Variants in LYPD6B observed in about 807,000 individuals in gnomAD.
LYPD6B encodes the protein LY6/PLAUR domain containing 6B.
In LYPD6B, 17 loss-of-function variants were observed where a neutral mutation model predicts 22.8. That is an observed-to-expected ratio of 0.75 (90% CI 0.51 to 1.12). LYPD6B has a LOEUF of 1.12. LYPD6B is among the 50% of genes most tolerant of loss of function. The pLI is 0.00. For synonymous variants in LYPD6B, 106 were observed against 91.6 expected, an observed-to-expected ratio of 1.16 and a Z score of -0.90; for missense variants, 221 against 258.3, an observed-to-expected ratio of 0.86 and a Z score of 0.99.
At position 149,203,212 on chromosome 2, in the gene LYPD6B, G is replaced by A. The variant is rs559099768; in HGVS notation, c.78-2041G>A. On this transcript the variant is annotated intron_variant, in intron 3 of 6. Transcript: ENST00000409642. ...GGAAGCCAAGACTTGGAAACCTTCA[G>A]CAACTTGTCTAAGGTCCCATAGTTG... Among the ~76,000 whole-genome samples the A allele has an allele frequency of 3.9e-5, 6 of 152,302 alleles. No individual in the cohort carries two copies. In the East Asian group the frequency reaches 7.7e-4, roughly 20 times the overall value.
intron 1 of LYPD6B, 32 bp from the exon 2 acceptor site, chr2:149,130,851 A>G (rs767115177): frequency 3.3e-6 from 3 of 917,100 alleles, no homozygotes; most frequent in Non-Finnish European, 5.4e-6. Context: ...AATATCAGTC[A>G]TAATGATACC....
At chr2:149,039,363 CG>C (rs1682966313) in intron 1 of LYPD6B, among the ~76,000 whole-genome samples, 1 of 152,186 alleles carries the variant, frequency 6.6e-6, no homozygotes, top group South Asian at 2.1e-4. Flanking sequence ...TCTCAAAAGC[CG>C]GGTCTGGAGG....
At chr2:149,120,378 TA>T (rs1385052520) in intron 1 of LYPD6B, among the ~76,000 whole-genome samples, 99 of 38,468 alleles carry the variant, frequency 2.6e-3, no homozygotes, top group Non-Finnish European at 3.8e-3. Flanking sequence ...TATATATATA[TA>T]TATATTTTTT....
intron 1 of LYPD6B, among the ~76,000 whole-genome samples, chr2:149,081,117 T>A (rs1433199613): frequency 6.6e-6 from 1 of 152,210 alleles, no homozygotes; most frequent in Non-Finnish European, 1.5e-5. Flanking sequence ...GTCAGAGGAC[T>A]GCTGGGCCTT....
chr2:149,105,443 C>T (rs1166770584), intron 1 of LYPD6B, among the ~76,000 whole-genome samples: 2 of 152,162 alleles, frequency 1.3e-5, no homozygotes, highest in African/African-American at 4.8e-5. Context: ...AATCCATGAA[C>T]AATGCAGTAA....
At chr2:149,050,293 A>G (rs1420127547) in intron 1 of LYPD6B, among the ~76,000 whole-genome samples, 2 of 152,048 alleles carry the variant, frequency 1.3e-5, no homozygotes, top group Non-Finnish European at 2.9e-5. Context: ...CAGCTGTATT[A>G]CTAAGAAATG....
chr2:149,207,978 A>G lies in LYPD6B; in HGVS notation c.230-336A>G, dbSNP rs556482744. On this transcript the variant is annotated intron_variant, in intron 4 of 6. Transcript: ENST00000409642. ...TTTCAGGGATGACACGTGTGTTCCAATACCTCTACTGCCCTCATCTACCCC... is the reference window on the plus strand; with the variant it reads ...TTTCAGGGATGACACGTGTGTTCCAGTACCTCTACTGCCCTCATCTACCCC... Among the ~76,000 whole-genome samples, 5 of 152,226 alleles carry G rather than the reference A, an allele frequency of 3.3e-5. No homozygotes were observed. The East Asian group carries it at 7.7e-4, about 23-fold the overall frequency.
chr2:149,124,254 A>C (rs1274288511), intron 1 of LYPD6B, among the ~76,000 whole-genome samples: 1 of 152,212 alleles, frequency 6.6e-6, no homozygotes, highest in East Asian at 1.9e-4. Context: ...GCCAATATAT[A>C]GTCCTTTCTG....
intron 1 of LYPD6B, among the ~76,000 whole-genome samples, chr2:149,091,951 A>ATCTGGGCT (rs1685671442): frequency 6.8e-6 from 1 of 146,094 alleles, no homozygotes; most frequent in Non-Finnish European, 1.5e-5. Flanking sequence ...TTCTATGGGA[A>ATCTGGGCT]TCTGGGCTGC....
chr2:149,180,312 G>A (rs915578670), intron 3 of LYPD6B, among the ~76,000 whole-genome samples: 2 of 152,138 alleles, frequency 1.3e-5, no homozygotes, highest in Non-Finnish European at 2.9e-5. Context: ...GTTATATGCT[G>A]TTATACAAGT....
At chr2:149,168,211 CAAAA>C (rs386391472) in intron 3 of LYPD6B, among the ~76,000 whole-genome samples, 2 of 48,488 alleles carry the variant, frequency 4.1e-5, no homozygotes, top group Non-Finnish European at 4.1e-5. Context: ...GGCTCTGTCT[CAAAA>C]AAAAAAAAAA....
chr2:149,120,339 GTATATATA>G (rs1170534857), intron 1 of LYPD6B, among the ~76,000 whole-genome samples: 1 of 112,036 alleles, frequency 8.9e-6, no homozygotes, highest in African/African-American at 3.9e-5. Context: ...ATATATATGT[GTATATATA>G]TATGTGTGTG....
chr2:149,145,598 C>T (rs1425914405), intron 2 of LYPD6B, among the ~76,000 whole-genome samples: 2 of 152,150 alleles, frequency 1.3e-5, no homozygotes. Context: ...GTTGAAACAG[C>T]CCATAGAAGA....
chr2:149,084,875 G>A (rs1168485207), intron 1 of LYPD6B, among the ~76,000 whole-genome samples: 2 of 152,094 alleles, frequency 1.3e-5, no homozygotes, highest in African/African-American at 4.8e-5. Context: ...CTCAAAGTTA[G>A]TTGTGGAATT....
chr2:149,179,412 T>C (rs1691552041), intron 3 of LYPD6B, among the ~76,000 whole-genome samples: 1 of 152,226 alleles, frequency 6.6e-6, no homozygotes, highest in Non-Finnish European at 1.5e-5. Flanking sequence ...TTACTTATGA[T>C]GTATAGAGAG....
chr2:149,143,513 CAAAAA>C (rs201618713), intron 2 of LYPD6B, among the ~76,000 whole-genome samples: 35,779 of 129,660 alleles, frequency 0.28, 4,562 homozygotes, highest in African/African-American at 0.31. Flanking sequence ...ACATGTGACG[CAAAAA>C]AAAAAAAAAA....
intron 3 of LYPD6B, among the ~76,000 whole-genome samples, chr2:149,201,880 T>C (rs1053196031): frequency 1.3e-5 from 2 of 152,236 alleles, no homozygotes; most frequent in Non-Finnish European, 2.9e-5. Flanking sequence ...GTGGAAGTTT[T>C]TTGAGAGGAT....
chr2:149,197,514 A>AAAAATAAAT (rs1375716521), intron 3 of LYPD6B, among the ~76,000 whole-genome samples: 10 of 152,158 alleles, frequency 6.6e-5, no homozygotes, highest in African/African-American at 1.9e-4. Context: ...CTGTCTCAAG[A>AAAAATAAAT]AAAATAAATA....
At chr2:149,074,896 C>G (rs1257154288) in intron 1 of LYPD6B, among the ~76,000 whole-genome samples, 1 of 152,162 alleles carries the variant, frequency 6.6e-6, no homozygotes, top group African/African-American at 2.4e-5. Context: ...AATCCCCCAC[C>G]CCATTTTTCC....
Sources: allele counts gnomAD v4.1 joint callset (sites outside exome capture counted in the v4.1 genomes callset), GRCh38; gene constraint gnomAD v4.1.1; transcripts MANE v1.5; gene names NCBI Gene and HGNC (gene_info 2026-07-23, HGNC 2026-07-21).